The following IPO11 variants were observed in gnomAD, a reference collection of about 807,000 sequenced individuals.
The protein encoded by IPO11 is importin 11.
In IPO11, 66 loss-of-function variants were observed where a neutral mutation model predicts 143.2. The ratio of observed to expected loss-of-function variants is 0.46; its 90% CI spans 0.38 to 0.57. IPO11 has a LOEUF of 0.57. Among genes scored for constraint, IPO11 ranks in the 20% least tolerant of loss-of-function variants. The pLI, the probability that IPO11 is intolerant of heterozygous loss-of-function variation, is 0.00. For missense variants in IPO11, 1,026 were observed against 1,141.0 expected (o/e 0.90, Z 1.45); for synonymous variants, 385 against 377.8 (o/e 1.02, Z -0.22).
chr5:62,535,362 G>C (rs572100677), intron 22 of IPO11, among the ~76,000 whole-genome samples: 1 of 151,998 alleles, frequency 6.6e-6, no homozygotes, highest in Non-Finnish European at 1.5e-5. Context: ...TTTTCATGGC[G>C]ATGGCCAGTC....
intron 27 of IPO11, among the ~76,000 whole-genome samples, chr5:62,589,753 G>A (rs948674455): frequency 6.6e-6 from 1 of 152,110 alleles, no homozygotes; most frequent in African/African-American, 2.4e-5. Flanking sequence ...CCAGAAGAGG[G>A]GGAGACCAAT....
chr5:62,570,642 CCTGA>C (rs556344956), intron 27 of IPO11, among the ~76,000 whole-genome samples: 104 of 152,322 alleles, frequency 6.8e-4, no homozygotes, highest in Non-Finnish European at 1.3e-3. Flanking sequence ...CATCTCCTGT[CCTGA>C]CTATTTAGGA....
intron 24 of IPO11, among the ~76,000 whole-genome samples, chr5:62,547,418 C>T (rs1171488125): frequency 6.6e-6 from 1 of 152,112 alleles, no homozygotes; most frequent in East Asian, 1.9e-4. Context: ...TTTGACCAAA[C>T]AGGAAAGCTA....
At chr5:62,514,855 G>A (rs1279619101) in intron 19 of IPO11, among the ~76,000 whole-genome samples, 1 of 152,130 alleles carries the variant, frequency 6.6e-6, no homozygotes, top group Non-Finnish European at 1.5e-5. Context: ...TTTATCCTTT[G>A]AAAATGTTTT....
At chr5:62,503,417 A>ATATATTAATAGTATCTATTAATAGAT (rs1554051921) in intron 16 of IPO11, among the ~76,000 whole-genome samples, 1 of 148,732 alleles carries the variant, frequency 6.7e-6, no homozygotes, top group Non-Finnish European at 1.5e-5. Context: ...GTATCTATTA[A>ATATATTAATAGTATCTATTAATAGAT]TATATTAATA....
intron 27 of IPO11, among the ~76,000 whole-genome samples, chr5:62,588,305 C>T (rs940334663): frequency 6.6e-6 from 1 of 151,778 alleles, no homozygotes; most frequent in Non-Finnish European, 1.5e-5. Flanking sequence ...TGGTTCACTG[C>T]AGCCTTGAAC....
intron 9 of IPO11, among the ~76,000 whole-genome samples, chr5:62,482,046 A>G (rs774967619): frequency 1.3e-5 from 2 of 152,090 alleles, no homozygotes; most frequent in Non-Finnish European, 2.9e-5. Flanking sequence ...GAATTTATCC[A>G]TTTCTTGTAG....
rs996164156 is a variant in IPO11 at position 62,570,540 on chromosome 5, A to C, written c.2582+9283A>C. ...AGATGCTATTATGTGGTAGATCACC[A>C]TGCTGTGCACTGAGGGCACATTGTA... On this transcript the variant is annotated intron_variant, in intron 27 of 29. Transcript: ENST00000325324. Among the ~76,000 whole-genome samples the C allele has an allele frequency of 2.0e-5, 3 of 152,210 alleles. No homozygotes were observed. In the East Asian group the frequency reaches 5.8e-4, roughly 29 times the overall value.
chr5:62,561,089 T>C (rs968830537), intron 26 of IPO11, 47 bp from the exon 27 acceptor site: 1 of 1,529,958 alleles, frequency 6.5e-7, no homozygotes, highest in African/African-American at 1.4e-5. Context: ...TACCCACAAG[T>C]AAAACATATT....
At chr5:62,436,425 A>G (rs576020274) in intron 1 of IPO11, among the ~76,000 whole-genome samples, 1 of 152,304 alleles carries the variant, frequency 6.6e-6, no homozygotes, top group South Asian at 2.1e-4. Context: ...TGCACTGAGA[A>G]CTTCGACTTA....
intron 24 of IPO11, among the ~76,000 whole-genome samples, chr5:62,546,364 C>T (rs1005475405): frequency 6.6e-6 from 1 of 152,116 alleles, no homozygotes; most frequent in Non-Finnish European, 1.5e-5. Flanking sequence ...CACCAAACAC[C>T]ACATGTTCTC....
At position 62,563,305 on chromosome 5, in the gene IPO11, G is replaced by C. The variant is rs145594257; in HGVS notation, c.2582+2048G>C. ...TGCTTGTTAGATAAATTAATGAATG[G>C]AAAAAAATGAGTTAATAAGACATGT... On this transcript the variant is annotated intron_variant, in intron 27 of 29. Coordinates refer to ENST00000325324, the MANE Select transcript of IPO11 (RefSeq NM_016338.5). 2.5e-3 allele frequency among the ~76,000 whole-genome samples: 374 copies of C among 152,008 alleles called. 1 individual carries two copies. The highest frequency in any genetic ancestry group is 8.5e-3 in the African/African-American group (351 of 41,480).
chr5:62,518,798 T>A (rs1037939345), intron 20 of IPO11, among the ~76,000 whole-genome samples: 1 of 152,198 alleles, frequency 6.6e-6, no homozygotes, highest in African/African-American at 2.4e-5. Flanking sequence ...ATAAACTTTC[T>A]AGTCTGCATA....
chr5:62,548,135 C>G, intron 24 of IPO11, among the ~76,000 whole-genome samples: 1 of 151,718 alleles, frequency 6.6e-6, no homozygotes, highest in East Asian at 1.9e-4. Flanking sequence ...TCAGTGTTTA[C>G]GTCATGATTC....
Position 62,489,310 on chromosome 5 carries a change from A to G in IPO11, c.1318A>G (p.Asn440Asp). ...ATATATATATTTTTTAGGACCCACA[A>G]ATGTGGAAGATATGAATGCACTGTT... ...EMMQTLQGPT[N>D]VEDMNALLIK... Residue 440 changes from asparagine to aspartate, a missense_variant, in exon 14 of 30, where the codon AAT (asparagine) becomes GAT (aspartate). Coordinates refer to ENST00000325324, the MANE Select transcript of IPO11 (RefSeq NM_016338.5). 3 of 1,553,946 alleles carry G rather than the reference A, an allele frequency of 1.9e-6. No homozygotes were observed. The highest frequency in any genetic ancestry group is 2.6e-6 in the Non-Finnish European group (3 of 1,144,796).
At chr5:62,586,762 A>ATATATATAT (rs1273896271) in intron 27 of IPO11, among the ~76,000 whole-genome samples, 57 of 86,360 alleles carry the variant, frequency 6.6e-4, no homozygotes, top group South Asian at 1.4e-3. Flanking sequence ...CAAAAAAAAA[A>ATATATATAT]AAAAAAATAT....
chr5:62,527,013 A>G (rs1292210973), intron 21 of IPO11, among the ~76,000 whole-genome samples: 2 of 151,908 alleles, frequency 1.3e-5, no homozygotes, highest in African/African-American at 2.4e-5. Context: ...TTAGATGTCT[A>G]GAATTTAACA....
intron 27 of IPO11, chr5:62,580,135 CTT>C: frequency 6.4e-7 from 1 of 1,550,950 alleles, no homozygotes; most frequent in Non-Finnish European, 8.7e-7. Context: ...TCTTAGAAGA[CTT>C]TCTTTGTCTC....
Position 62,568,605 on chromosome 5 carries a change from T to C in IPO11, c.2582+7348T>C, listed in dbSNP as rs533256644. Among the ~76,000 whole-genome samples the C allele has an allele frequency of 3.4e-3, 485 of 143,118 alleles. 4 individuals are homozygous for C. Among genetic ancestry groups the C allele is most frequent in the African/African-American group, 0.012 (459 of 37,858 alleles). 93.9% of individuals were successfully genotyped at this position (143,118 alleles called of 152,430 possible). The stretch of plus-strand genomic sequence containing the variant: ...AAAAAAAAAAAAAAAAAATTCAATA[T>C]CTTTGTTAAATTTTTTGATAAGTTC... On this transcript the variant is annotated intron_variant, in intron 27 of 29. Transcript: ENST00000325324.
Sources: allele counts gnomAD v4.1 joint callset (sites outside exome capture counted in the v4.1 genomes callset), GRCh38; gene constraint gnomAD v4.1.1; transcripts MANE v1.5; gene names NCBI Gene and HGNC (gene_info 2026-07-23, HGNC 2026-07-21).